Variants in ROCK2 observed in about 807,000 individuals in gnomAD.
ROCK2 encodes the protein rho-associated protein kinase 2.
Under a neutral mutation model 195.1 loss-of-function variants are expected in ROCK2, and 61 were observed. The observed-to-expected ratio is 0.31, with a 90% CI of 0.25 to 0.39. The LOEUF (loss-of-function observed/expected upper bound fraction) is 0.39. Ranked by LOEUF, ROCK2 falls within the 10% of genes least tolerant of loss-of-function variation. ROCK2 has a pLI of 1.00. For missense variants in ROCK2, 1,109 were observed against 1,637.4 expected, an observed-to-expected ratio of 0.68 and a Z score of 5.57; for synonymous variants, 504 against 545.5, an observed-to-expected ratio of 0.92 and a Z score of 1.06.
chr2:11,195,554 G>T (rs527412504), intron 27 of ROCK2, among the ~76,000 whole-genome samples: 11 of 151,760 alleles, frequency 7.2e-5, no homozygotes, highest in Non-Finnish European at 1.0e-4. Context: ...TTGCTCTGTC[G>T]CCCAGGCTGG....
intron 27 of ROCK2, among the ~76,000 whole-genome samples, chr2:11,196,905 G>A (rs543371602): frequency 6.6e-6 from 1 of 152,174 alleles, no homozygotes; most frequent in Non-Finnish European, 1.5e-5. Context: ...GCAGAAAGAA[G>A]AGAAAATGAA....
intron 1 of ROCK2, among the ~76,000 whole-genome samples, chr2:11,327,433 T>C (rs917175238): frequency 1.3e-5 from 2 of 152,114 alleles, no homozygotes; most frequent in South Asian, 2.1e-4. Context: ...GATGATGAAA[T>C]TGGGAAACTA....
Position 11,197,430 on chromosome 2 carries a change from A to C in ROCK2, c.3280-82T>G, listed in dbSNP as rs1558282407. On this transcript the variant is annotated intron_variant, in intron 26 of 32. Transcript: ENST00000315872. The surrounding 1 kb of genome is among the most constrained non-coding windows in gnomAD (Gnocchi z 4.9). ...CTTCTTGGTTCAATAATAATTATTA[A>C]ATAGAAATGGTCTATAACCAGTAAA... 4.6e-6 allele frequency: 7 copies of C among 1,528,664 alleles called. No individual in the cohort carries two copies. Among genetic ancestry groups the C allele is most frequent in the Non-Finnish European group, 6.2e-6 (7 of 1,121,150 alleles). The allele number at this position is 1,528,664 out of a possible 1,614,324, so 94.7% of individuals were successfully genotyped here.
intron 3 of ROCK2, among the ~76,000 whole-genome samples, chr2:11,277,852 T>G (rs1666879685): frequency 6.6e-6 from 1 of 152,222 alleles, no homozygotes; most frequent in Admixed American, 6.5e-5. Context: ...TAATCTTTAC[T>G]GCTTCCAAAG....
chr2:11,193,412 C>T (rs896432794), intron 30 of ROCK2, among the ~76,000 whole-genome samples: 2 of 152,036 alleles, frequency 1.3e-5, no homozygotes, highest in African/African-American at 4.8e-5. Flanking sequence ...AAATTTACCT[C>T]CATAACTGAC....
intron 1 of ROCK2, among the ~76,000 whole-genome samples, chr2:11,324,200 G>A (rs952324162): frequency 2.6e-5 from 4 of 152,170 alleles, no homozygotes; most frequent in Admixed American, 1.3e-4. Context: ...ACTTTGGGAC[G>A]CCAAGGCTGG....
intron 1 of ROCK2, among the ~76,000 whole-genome samples, chr2:11,306,559 T>C (rs1319312248): frequency 2.0e-5 from 3 of 152,210 alleles, no homozygotes. Flanking sequence ...TTACTAAATA[T>C]TCATTAAATG....
intron 3 of ROCK2, among the ~76,000 whole-genome samples, chr2:11,270,086 G>A (rs1239949035): frequency 1.3e-5 from 2 of 151,324 alleles, no homozygotes; most frequent in Admixed American, 1.3e-4. Context: ...ATTTCCTAAA[G>A]TGCAGAATTC....
chr2:11,297,659 T>A (rs567627535), intron 1 of ROCK2, among the ~76,000 whole-genome samples: 1 of 152,280 alleles, frequency 6.6e-6, no homozygotes, highest in Middle Eastern at 3.4e-3. Context: ...GGTCTCTCCA[T>A]CTATTTCTTT....
At chr2:11,340,929 C>G (rs1558408451) in intron 1 of ROCK2, among the ~76,000 whole-genome samples, 1 of 152,182 alleles carries the variant, frequency 6.6e-6, no homozygotes, top group African/African-American at 2.4e-5. Flanking sequence ...AAGCACAGAC[C>G]TTTAGAAAAA....
At chr2:11,319,355 T>C (rs1025660535) in intron 1 of ROCK2, among the ~76,000 whole-genome samples, 1 of 152,234 alleles carries the variant, frequency 6.6e-6, no homozygotes, top group Non-Finnish European at 1.5e-5. Context: ...TATTTTATTC[T>C]CTTTGAAGCA....
chr2:11,239,049 A>G (rs750008312), intron 4 of ROCK2, among the ~76,000 whole-genome samples: 5 of 152,162 alleles, frequency 3.3e-5, no homozygotes, highest in Admixed American at 6.5e-5. Flanking sequence ...ACCTCACACC[A>G]TAAGTCAAAA....
intron 1 of ROCK2, among the ~76,000 whole-genome samples, chr2:11,343,701 C>A (rs1669183336): frequency 6.6e-6 from 1 of 152,158 alleles, no homozygotes; most frequent in Non-Finnish European, 1.5e-5. Context: ...ACCCACCTCC[C>A]CAGAGTGGGC....
chr2:11,217,054 T>C lies in ROCK2; in HGVS notation c.1412+36A>G, dbSNP rs773877879. On this transcript the variant is annotated intron_variant, in intron 12 of 32. Coordinates refer to ENST00000315872, the MANE Select transcript of ROCK2 (RefSeq NM_004850.5). ...TTTCAGTAAATGTTTAAACTTAAATTTTATAATGTAATATTTAATTATCTA... is the reference window on the plus strand; with the variant it reads ...TTTCAGTAAATGTTTAAACTTAAATCTTATAATGTAATATTTAATTATCTA... 3.6e-6 allele frequency: 4 copies of C among 1,098,792 alleles called. No individual in the cohort carries two copies. In the Admixed American group the frequency reaches 8.0e-5, roughly 22 times the overall value. The allele number at this position is 1,098,792 out of a possible 1,614,324, so 68.1% of individuals were successfully genotyped here.
rs1292233613 is a variant in ROCK2 at position 11,344,123 on chromosome 2, G to A, written c.14C>T (p.Pro5Leu). The change falls in exon 1 of 33, where the codon CCG (proline) becomes CTG (leucine). Residue 5 changes from proline (P) to leucine (L), a missense_variant. By Grantham distance (98) the Pro-to-Leu change is moderately conservative. This residue lies in a region of ROCK2 where 64 missense variants were observed against 62.4 expected (regional missense o/e 1.03). Coordinates refer to ENST00000315872, the MANE Select transcript of ROCK2 (RefSeq NM_004850.5). This position sits in a 1 kb window ranked among gnomAD's most constrained non-coding sequence, Gnocchi z 5.4. ...GGCGCCGGGCATTTTCCCCGTCGGC[G>A]GGGGCCGGCTCATGCCGCCACCGCT... MSRPPPTGKMPGAPE... is the reference protein window; with the variant it reads MSRPLPTGKMPGAPE... 6.8e-7 allele frequency: 1 copy of A among 1,475,334 alleles called. No homozygotes were observed. The allele number at this position is 1,475,334 out of a possible 1,614,324, so 91.4% of individuals were successfully genotyped here.
intron 1 of ROCK2, among the ~76,000 whole-genome samples, chr2:11,339,478 G>A (rs1282866372): frequency 1.3e-5 from 2 of 150,694 alleles, no homozygotes; most frequent in Middle Eastern, 3.4e-3. Flanking sequence ...CTAATCTACA[G>A]GAATTATTCA....
chr2:11,181,332 A>T lies in ROCK2; in HGVS notation c.*2105T>A, dbSNP rs928387659. On this transcript the variant is annotated 3_prime_UTR_variant, in exon 33 of 33. Transcript: ENST00000315872. ...AAATATTTATTCTATATAAATTTAT[A>T]TATTTTTCATTTTTTAATCTTACTT... The T allele has an allele frequency of 1.2e-4, 18 of 151,208 alleles. No individual in the cohort carries two copies. The highest frequency in any genetic ancestry group is 9.9e-4 in the Admixed American group (15 of 15,184). The allele number at this position is 151,208 out of a possible 1,614,324, so 9.4% of individuals were successfully genotyped here.
At chr2:11,202,180 C>A (rs1572235902) in intron 20 of ROCK2, 59 bp from the exon 21 acceptor site, 5 of 1,389,794 alleles carry the variant, frequency 3.6e-6, no homozygotes, top group South Asian at 3.5e-5. Context: ...ACGAGCAGCT[C>A]TCAAAGTATG....
chr2:11,258,013 T>C (rs1336103187), intron 3 of ROCK2, among the ~76,000 whole-genome samples: 1 of 151,484 alleles, frequency 6.6e-6, no homozygotes, highest in Non-Finnish European at 1.5e-5. Flanking sequence ...TGTATTTTTG[T>C]CACTTCAGTT....
Sources: allele counts gnomAD v4.1 joint callset (sites outside exome capture counted in the v4.1 genomes callset), GRCh38; gene constraint gnomAD v4.1.1; regional missense constraint gnomAD v4.1.1; non-coding constraint Gnocchi (gnomAD v3.1); transcripts MANE v1.5; gene names NCBI Gene and HGNC (gene_info 2026-07-23, HGNC 2026-07-21).